The following CECR2 variants were observed in gnomAD, a reference collection of about 807,000 sequenced individuals.
CECR2 encodes CECR2 histone acetyl-lysine reader, also known as chromatin remodeling regulator CECR2.
In CECR2, 30 loss-of-function variants were observed where a neutral mutation model predicts 154.5. That is an observed-to-expected ratio of 0.19 (90% confidence interval 0.15 to 0.26). The LOEUF (loss-of-function observed/expected upper bound fraction) is 0.26, where lower values mean the gene tolerates loss of function less well. Among genes scored for constraint, CECR2 ranks in the 10% least tolerant of loss-of-function variants. The pLI, the probability that CECR2 is intolerant of heterozygous loss-of-function variation, is 1.00. For missense variants in CECR2, 1,743 were observed against 1,829.3 expected, an observed-to-expected ratio of 0.95 and a Z score of 0.86; for synonymous variants, 725 against 683.7, an observed-to-expected ratio of 1.06 and a Z score of -0.94.
chr22:17,506,968 T>C (rs1263391897), intron 7 of CECR2, among the ~76,000 whole-genome samples: 1 of 152,212 alleles, frequency 6.6e-6, no homozygotes, highest in Non-Finnish European at 1.5e-5. Context: ...TTGCCTTTTC[T>C]ATGGTGGTTG....
intron 1 of CECR2, among the ~76,000 whole-genome samples, chr22:17,421,019 A>G (rs943719464): frequency 4.6e-5 from 7 of 152,200 alleles, no homozygotes; most frequent in Admixed American, 1.3e-4. Flanking sequence ...AGACATGTAT[A>G]AGTACACATC....
At chr22:17,520,874 T>G (rs2056146352) in intron 8 of CECR2, among the ~76,000 whole-genome samples, 1 of 152,208 alleles carries the variant, frequency 6.6e-6, no homozygotes, top group Non-Finnish European at 1.5e-5. Flanking sequence ...AAGTCTTTGC[T>G]ATTGTGAATA....
chr22:17,479,562 C>T (rs1485373813), intron 2 of CECR2, among the ~76,000 whole-genome samples: 1 of 149,500 alleles, frequency 6.7e-6, no homozygotes, highest in East Asian at 2.0e-4. Context: ...ATAGGATATT[C>T]CTCCGTGGCT....
chr22:17,388,622 G>T (rs2063292175), intron 1 of CECR2, among the ~76,000 whole-genome samples: 1 of 152,176 alleles, frequency 6.6e-6, no homozygotes, highest in South Asian at 2.1e-4. Context: ...CGTGGTATTA[G>T]AAAGGAATCT....
chr22:17,478,055 T>TC (rs1192615782), intron 2 of CECR2, among the ~76,000 whole-genome samples: 1 of 152,212 alleles, frequency 6.6e-6, no homozygotes, highest in African/African-American at 2.4e-5. Context: ...TTGAGTATCT[T>TC]CTGTTGTTTA....
At chr22:17,516,328 A>G (rs547752472) in intron 8 of CECR2, among the ~76,000 whole-genome samples, 49 of 152,252 alleles carry the variant, frequency 3.2e-4, no homozygotes, top group Admixed American at 1.0e-3. Flanking sequence ...ATATACATGT[A>G]TGTACATGCA....
chr22:17,448,187 G>A (rs997352509), intron 1 of CECR2, among the ~76,000 whole-genome samples: 1 of 152,096 alleles, frequency 6.6e-6, no homozygotes, highest in Non-Finnish European at 1.5e-5. Context: ...CATGTAATTA[G>A]CTCAAACGAG....
chr22:17,406,341 C>G lies in CECR2; in HGVS notation c.126+36432C>G, dbSNP rs1484443494. On this transcript the variant is annotated intron_variant, in intron 1 of 18. Transcript: ENST00000262608. ...TTCGAGACCAGCCTGGCCAACATGA[C>G]GAAACCCCGTCTCTACTAAAAAAAT... 4.6e-5 allele frequency among the ~76,000 whole-genome samples: 7 copies of G among 152,094 alleles called. No individual in the cohort carries two copies. The South Asian group carries it at 1.5e-3, about 32-fold the overall frequency.
chr22:17,542,330 C>G lies in CECR2; in HGVS notation c.2187C>G (p.Phe729Leu), dbSNP rs1471932703. The G allele has an allele frequency of 1.2e-6, 2 of 1,613,392 alleles. No homozygotes were observed. The highest frequency in any genetic ancestry group is 2.2e-5 in the South Asian group (2 of 90,926). The part of the protein sequence containing the change: ...QDGSMYAPAQ[F>L]QPGFIPPRHG... ...GAAGCATGTATGCTCCAGCTCAGTT[C>G]CAGCCAGGATTCATTCCTCCCCGGC... The change falls in exon 16 of 19, where the codon TTC becomes TTG. Residue 729 changes from phenylalanine (F) to leucine (L), a missense_variant. By Grantham distance (22) the Phe-to-Leu change is conservative. Transcript: ENST00000262608.
intron 1 of CECR2, among the ~76,000 whole-genome samples, chr22:17,396,494 C>T (rs1391251329): frequency 1.3e-5 from 2 of 152,150 alleles, no homozygotes; most frequent in African/African-American, 4.8e-5. Flanking sequence ...TTGCGGTGAG[C>T]CGGGATTGCA....
At chr22:17,531,939 C>T (rs559686858) in intron 9 of CECR2, among the ~76,000 whole-genome samples, 93 of 152,228 alleles carry the variant, frequency 6.1e-4, no homozygotes, top group African/African-American at 2.2e-3. Flanking sequence ...GAAGCCAAGG[C>T]AGGAGAATTA....
chr22:17,537,150 G>C lies in CECR2; in HGVS notation c.1156G>C (p.Ala386Pro). 1 of 1,613,954 alleles carries C rather than the reference G, an allele frequency of 6.2e-7. No homozygotes were observed. Among genetic ancestry groups the C allele is most frequent in the Non-Finnish European group, 8.5e-7 (1 of 1,179,880 alleles). ...CAGGGAAGAAAGGGCATGGCTGCTG[G>C]CTCAAGGAAAGGAGCTCCCTCCAGA... ...KLREERAWLLAQGKELPPELS... is the reference protein window; with the variant it reads ...KLREERAWLLPQGKELPPELS... Residue 386 changes from alanine (A) to proline (P), a missense_variant, in exon 10 of 19, where the codon GCT becomes CCT. By Grantham distance (27) the Ala-to-Pro change is conservative (BLOSUM62 -1). Coordinates refer to ENST00000262608, the MANE Select transcript of CECR2 (RefSeq NM_001290047.2).
At chr22:17,552,774 G>GTTTTTTTTTTTTGTTTTT in intron 18 of CECR2, 61 bp from the exon 19 acceptor site, 3 of 933,466 alleles carry the variant, frequency 3.2e-6, no homozygotes, top group Non-Finnish European at 4.5e-6. Flanking sequence ...GCTTACTTAA[G>GTTTTTTTTTTTTGTTTTT]TTTTTTTTTT....
chr22:17,425,091 A>C (rs2054310887), intron 1 of CECR2, among the ~76,000 whole-genome samples: 1 of 152,196 alleles, frequency 6.6e-6, no homozygotes. Flanking sequence ...AAAAATGCTA[A>C]GAAAGTGTCT....
intron 1 of CECR2, among the ~76,000 whole-genome samples, chr22:17,469,876 G>T (rs892777472): frequency 6.6e-6 from 1 of 152,118 alleles, no homozygotes; most frequent in Admixed American, 6.5e-5. Flanking sequence ...CTGCCGTGGC[G>T]TCCATCACAT....
intron 1 of CECR2, among the ~76,000 whole-genome samples, chr22:17,442,344 T>C (rs1475527761): frequency 1.3e-5 from 2 of 152,144 alleles, no homozygotes; most frequent in African/African-American, 4.8e-5. Context: ...TGGGAGAGGA[T>C]AGCTTGAGGC....
chr22:17,537,103 A>G lies in CECR2; in HGVS notation c.1109A>G (p.Asp370Gly). 6.2e-7 allele frequency: 1 copy of G among 1,613,732 alleles called. No homozygotes were observed. The highest frequency in any genetic ancestry group is 8.5e-7 in the Non-Finnish European group (1 of 1,179,786). Residue 370 changes from aspartate (D) to glycine (G), a missense_variant and splice_region_variant, in exon 10 of 19, where the codon GAT (aspartate) becomes GGT (glycine). By Grantham distance (94) the Asp-to-Gly change is moderately conservative (BLOSUM62 -1). Coordinates refer to ENST00000262608, the MANE Select transcript of CECR2 (RefSeq NM_001290047.2). ...CACTCAGCCTTTGTGTTCATTGTAG[A>G]TCGAGCGAAGAGGAGAAAGCTCAGG... ...ELEEKVKAVE[D>G]RAKRRKLREE...
chr22:17,486,367 T>C (rs575600032), intron 2 of CECR2, among the ~76,000 whole-genome samples: 1 of 152,350 alleles, frequency 6.6e-6, no homozygotes, highest in African/African-American at 2.4e-5. Context: ...TAAAGTGGTA[T>C]TTTCCTGGGT....
rs1314355443 is a variant in CECR2 at position 17,551,443 on chromosome 22, C to T, written c.4278-588C>T. Among the ~76,000 whole-genome samples, 5 of 152,032 alleles carry T rather than the reference C, an allele frequency of 3.3e-5. No homozygotes were observed. In the East Asian group the frequency reaches 9.6e-4, roughly 29 times the overall value. On this transcript the variant is annotated intron_variant, in intron 17 of 18. Transcript: ENST00000262608. ...AGTTGTCATATCTTTGTTTTGTTTT[C>T]CAAAGAGTCCAGGCCAGTTATCATG...
Sources: allele counts gnomAD v4.1 joint callset (sites outside exome capture counted in the v4.1 genomes callset), GRCh38; gene constraint gnomAD v4.1.1; transcripts MANE v1.5; gene names NCBI Gene and HGNC (gene_info 2026-07-23, HGNC 2026-07-21).